MAP3K9: variants seen among roughly 807,000 people sequenced by gnomAD.
The protein encoded by MAP3K9 is mixed lineage kinase 1 (tyr and ser/thr specificity).
MAP3K9 carries 46 observed loss-of-function variants against 95.8 expected under a neutral mutation model. The ratio of observed to expected loss-of-function variants is 0.48; its 90% CI spans 0.38 to 0.61. MAP3K9 has a LOEUF of 0.61. Among genes scored for constraint, MAP3K9 ranks in the 20% least tolerant of loss-of-function variants. The probability of loss-of-function intolerance (pLI) is 0.00; values close to 1 mark genes in which losing one functional copy is unlikely to be tolerated. For missense variants in MAP3K9, 1,296 were observed against 1,474.3 expected, an observed-to-expected ratio of 0.88 and a Z score of 1.98; for synonymous variants, 533 against 593.8, an observed-to-expected ratio of 0.90 and a Z score of 1.49.
chr14:70,764,185 T>C (rs1163995166), intron 2 of MAP3K9, among the ~76,000 whole-genome samples: 2 of 2,726 alleles, frequency 7.3e-4, no homozygotes, highest in Admixed American at 6.0e-3. Flanking sequence ...AGAGCGAGAC[T>C]CCGTCTCAAA....
chr14:70,778,247 A>C (rs2054625661), intron 2 of MAP3K9, among the ~76,000 whole-genome samples: 1 of 148,964 alleles, frequency 6.7e-6, no homozygotes, highest in Non-Finnish European at 1.5e-5. Flanking sequence ...AGTAGCCTCA[A>C]CCACAGGCAC....
intron 2 of MAP3K9, among the ~76,000 whole-genome samples, chr14:70,767,829 A>G (rs1286155566): frequency 4.6e-5 from 7 of 152,160 alleles, no homozygotes; most frequent in Non-Finnish European, 8.8e-5. Context: ...CTAGGACTAC[A>G]GGTGCGCACC....
At chr14:70,794,059 G>A (rs777507074) in intron 2 of MAP3K9, among the ~76,000 whole-genome samples, 14 of 152,316 alleles carry the variant, frequency 9.2e-5, no homozygotes, top group Middle Eastern at 6.8e-3. Context: ...ACCAGAAGCA[G>A]CCAGGTTTGA....
chr14:70,752,292 A>G (rs2054239674), intron 3 of MAP3K9, among the ~76,000 whole-genome samples: 1 of 152,126 alleles, frequency 6.6e-6, no homozygotes, highest in Non-Finnish European at 1.5e-5. Flanking sequence ...TAGGCTCCTA[A>G]AGAGCAGGGA....
intron 3 of MAP3K9, among the ~76,000 whole-genome samples, chr14:70,753,430 T>C (rs184613926): frequency 6.6e-6 from 1 of 152,316 alleles, no homozygotes; most frequent in Admixed American, 6.5e-5. Flanking sequence ...GTGGGTGATA[T>C]AAATGAAGAC....
At chr14:70,802,876 C>T (rs1362631397) in intron 1 of MAP3K9, among the ~76,000 whole-genome samples, 2 of 152,094 alleles carry the variant, frequency 1.3e-5, no homozygotes, top group Admixed American at 6.5e-5. Flanking sequence ...AAAAAATCTA[C>T]TTGATATGGT....
intron 2 of MAP3K9, among the ~76,000 whole-genome samples, chr14:70,770,569 G>A (rs778460693): frequency 1.2e-4 from 19 of 152,128 alleles, no homozygotes; most frequent in Non-Finnish European, 2.5e-4. Context: ...TATAAAATGC[G>A]TCTATCCATC....
At chr14:70,797,876 C>T (rs996953284) in intron 2 of MAP3K9, among the ~76,000 whole-genome samples, 1 of 152,164 alleles carries the variant, frequency 6.6e-6, no homozygotes, top group Non-Finnish European at 1.5e-5. Context: ...CAAAGTGCTA[C>T]CCCACCACAC....
chr14:70,802,069 T>C (rs2054936506), intron 1 of MAP3K9, among the ~76,000 whole-genome samples: 1 of 152,162 alleles, frequency 6.6e-6, no homozygotes, highest in African/African-American at 2.4e-5. Flanking sequence ...GGAATGTTGT[T>C]AGACCTGTAA....
chr14:70,735,178 CAGCCCATATGGAA>C (rs1466168227), intron 9 of MAP3K9, among the ~76,000 whole-genome samples: 2 of 152,136 alleles, frequency 1.3e-5, no homozygotes, highest in Admixed American at 1.3e-4. Flanking sequence ...TCCCTGTCAT[CAGCCCATATGGAA>C]AGCCGGTAAC....
chr14:70,749,894 A>C, intron 4 of MAP3K9, 39 bp downstream of exon 4: 2 of 1,613,636 alleles, frequency 1.2e-6, no homozygotes, highest in Non-Finnish European at 1.7e-6. Flanking sequence ...TACAAGAGGC[A>C]AAGTGTCTCC....
At chr14:70,733,640 T>C in intron 10 of MAP3K9, 1 of 696,022 alleles carries the variant, frequency 1.4e-6, no homozygotes. Context: ...GGTATCCACT[T>C]GACTGGACTG....
chr14:70,759,918 A>T (rs1352726127), intron 3 of MAP3K9, among the ~76,000 whole-genome samples: 4 of 151,960 alleles, frequency 2.6e-5, no homozygotes, highest in African/African-American at 9.7e-5. Context: ...CCACACCTGG[A>T]TACTTTTTAA....
chr14:70,742,380 T>C lies in MAP3K9; in HGVS notation c.1538A>G (p.Lys513Arg), dbSNP rs1566735468. The C allele has an allele frequency of 4.3e-6, 7 of 1,614,248 alleles. No homozygotes were observed. The highest frequency in any genetic ancestry group is 5.1e-6 in the Non-Finnish European group (6 of 1,180,036). Residue 513 changes from lysine (K) to arginine (R), a missense_variant, in exon 6 of 12, where the codon AAG (lysine) becomes AGG (arginine). Lys to Arg is a conservative substitution (Grantham distance 26, BLOSUM62 2). This residue lies in a region of MAP3K9 where 377 missense variants were observed against 417.1 expected (regional missense o/e 0.90). Transcript: ENST00000554752. ...AGGGAGGCTGATGCGGTTGCCATCC[T>C]TGAGCTTCAGCCGGCTCTTCCTGAA... is the stretch of plus-strand genomic sequence containing the variant. Reference protein sequence around the residue: ...GKFRKSRLKLKDGNRISLPSD... With the variant: ...GKFRKSRLKLRDGNRISLPSD...
intron 2 of MAP3K9, among the ~76,000 whole-genome samples, chr14:70,778,224 C>T (rs1278149535): frequency 2.6e-5 from 4 of 151,866 alleles, no homozygotes; most frequent in Non-Finnish European, 1.5e-5. Context: ...AATCCTCCCA[C>T]CTCAGCCTCC....
At chr14:70,739,989 G>T in intron 7 of MAP3K9, 53 bp downstream of exon 7, 1 of 1,614,140 alleles carries the variant, frequency 6.2e-7, no homozygotes. Flanking sequence ...ACAGAGCAGG[G>T]GACAGGTGCC....
rs369354846 is a variant in MAP3K9 at position 70,760,078 on chromosome 14, CA to C, written c.1001+923del. On this transcript the variant is annotated intron_variant, in intron 3 of 11. Coordinates refer to ENST00000554752, the MANE Select transcript of MAP3K9 (RefSeq NM_001284230.2). ...GCCAACTTATACATTCTAAAGTGTACAAAGGATTAGCTTTACGGTATGTGAA... is the reference window on the plus strand; with the variant it reads ...GCCAACTTATACATTCTAAAGTGTACAAGGATTAGCTTTACGGTATGTGAA... Among the ~76,000 whole-genome samples the C allele has an allele frequency of 6.1e-3, 921 of 151,416 alleles. 9 individuals are homozygous for C. Among genetic ancestry groups the C allele is most frequent in the African/African-American group, 0.019 (801 of 41,258 alleles).
chr14:70,791,659 A>G (rs952381204), intron 2 of MAP3K9, among the ~76,000 whole-genome samples: 1 of 151,394 alleles, frequency 6.6e-6, no homozygotes, highest in Non-Finnish European at 1.5e-5. Flanking sequence ...CTTTGTCTCC[A>G]CTCTTGCCTC....
chr14:70,790,741 T>C (rs971742324), intron 2 of MAP3K9, among the ~76,000 whole-genome samples: 2 of 152,176 alleles, frequency 1.3e-5, no homozygotes. Context: ...CAAGAGGCTG[T>C]CAGGGGTATT....
Sources: allele counts gnomAD v4.1 joint callset (sites outside exome capture counted in the v4.1 genomes callset), GRCh38; gene constraint gnomAD v4.1.1; regional missense constraint gnomAD v4.1.1; transcripts MANE v1.5; gene names NCBI Gene and HGNC (gene_info 2026-07-23, HGNC 2026-07-21).